The following DNAH6 variants were observed in gnomAD, a reference collection of about 807,000 sequenced individuals.
DNAH6 encodes the protein axonemal beta dynein heavy chain 6.
DNAH6 carries 340 observed loss-of-function variants against 491.4 expected under a neutral mutation model. That is an observed-to-expected ratio of 0.69 (90% confidence interval 0.63 to 0.76). The LOEUF is 0.76. Ranked by LOEUF, DNAH6 falls within the 30% of genes least tolerant of loss-of-function variation. DNAH6 has a pLI of 0.00. For missense variants in DNAH6, 4,443 were observed against 4,972.2 expected (o/e 0.89, Z 3.20); for synonymous variants, 1,603 against 1,686.1 (o/e 0.95, Z 1.21).
At chr2:84,661,228 C>G (rs1323427133) in intron 37 of DNAH6, among the ~76,000 whole-genome samples, 1 of 151,978 alleles carries the variant, frequency 6.6e-6, no homozygotes. Flanking sequence ...AGGTCACAGT[C>G]TATTAACTGG....
intron 30 of DNAH6, among the ~76,000 whole-genome samples, chr2:84,636,071 A>G (rs2104474202): frequency 6.6e-6 from 1 of 152,174 alleles, no homozygotes; most frequent in Non-Finnish European, 1.5e-5. Flanking sequence ...TCTGGCTCTC[A>G]TTATGTCCCT....
intron 41 of DNAH6, 101 bp from the exon 42 acceptor site, chr2:84,681,256 G>T: frequency 3.0e-6 from 3 of 1,016,212 alleles, no homozygotes; most frequent in Non-Finnish European, 4.1e-6. Flanking sequence ...GTTGGAATTT[G>T]GCTTTCTATT....
chr2:84,608,854 G>A (rs940962346), intron 21 of DNAH6, among the ~76,000 whole-genome samples: 1 of 152,156 alleles, frequency 6.6e-6, no homozygotes, highest in Non-Finnish European at 1.5e-5. Flanking sequence ...GTCCTACATG[G>A]CATCTTCTTC....
intron 14 of DNAH6, 81 bp downstream of exon 14, chr2:84,579,760 C>A: frequency 8.1e-7 from 1 of 1,234,522 alleles, no homozygotes; most frequent in Non-Finnish European, 1.1e-6. Flanking sequence ...AAGTGAAGGA[C>A]TAAGGGGCAA....
At chr2:84,777,814 A>G (rs1676294327) in intron 64 of DNAH6, 2 of 1,149,312 alleles carry the variant, frequency 1.7e-6, no homozygotes, top group South Asian at 1.2e-5. Flanking sequence ...TCCAAGCCAC[A>G]TAGGTCAAGA....
intron 61 of DNAH6, among the ~76,000 whole-genome samples, chr2:84,729,240 T>G (rs1436636679): frequency 6.6e-6 from 1 of 152,220 alleles, no homozygotes; most frequent in Non-Finnish European, 1.5e-5. Context: ...TCTTCTTAGG[T>G]AAGTTCCTAA....
At chr2:84,533,990 C>A (rs1277954338) in intron 4 of DNAH6, among the ~76,000 whole-genome samples, 1 of 152,080 alleles carries the variant, frequency 6.6e-6, no homozygotes, top group Non-Finnish European at 1.5e-5. Flanking sequence ...GAACCCTCAT[C>A]TGTGGCTCAC....
chr2:84,653,139 CATG>C (rs760940341), intron 33 of DNAH6, among the ~76,000 whole-genome samples, 177 bp from the exon 34 acceptor site: 4 of 151,922 alleles, frequency 2.6e-5, no homozygotes, highest in Non-Finnish European at 5.9e-5. Flanking sequence ...CAAAATCATA[CATG>C]ATATCAGAGA....
At chr2:84,504,900 A>G in the DNAH6 span, among the ~76,000 whole-genome samples, 7 of 152,220 alleles carry the variant, frequency 4.6e-5, no homozygotes, top group Admixed American at 4.6e-4. Context: ...TATAAAAGAC[A>G]GTTGTAGTTT....
chr2:84,532,697 A>G (rs992123618), intron 4 of DNAH6, among the ~76,000 whole-genome samples: 34 of 152,152 alleles, frequency 2.2e-4, no homozygotes, highest in African/African-American at 8.2e-4. Context: ...AGCAAAATGC[A>G]AAATAATGCT....
chr2:84,517,132 T>C (rs939847681), intron 1 of DNAH6, among the ~76,000 whole-genome samples: 5 of 152,198 alleles, frequency 3.3e-5, no homozygotes, highest in Non-Finnish European at 5.9e-5. Context: ...TCAAGACCTC[T>C]TGTGCTAACC....
chr2:84,675,489 C>T (rs990096011), intron 40 of DNAH6, among the ~76,000 whole-genome samples: 1 of 152,040 alleles, frequency 6.6e-6, no homozygotes, highest in African/African-American at 2.4e-5. Context: ...CTTCCTTCAC[C>T]CCTATGGCCT....
rs575980814 is a variant in DNAH6 at position 84,591,069 on chromosome 2, C to G, written c.2610+2115C>G. Among the ~76,000 whole-genome samples the G allele has an allele frequency of 4.6e-5, 7 of 152,302 alleles. No individual in the cohort carries two copies. In the South Asian group the frequency reaches 1.0e-3, roughly 23 times the overall value. On this transcript the variant is annotated intron_variant, in intron 16 of 76. Transcript: ENST00000389394. ...TCCCAAATCTCAGCTTCTACCTGGA[C>G]AGGGGAAGATTTGAAGTGGCTGTCC...
intron 49 of DNAH6, among the ~76,000 whole-genome samples, chr2:84,702,385 T>C (rs1695996996): frequency 6.6e-6 from 1 of 152,084 alleles, no homozygotes. Flanking sequence ...ATCAGGAAAT[T>C]AACATGACCT....
intron 37 of DNAH6, among the ~76,000 whole-genome samples, chr2:84,667,819 G>A (rs1692305687): frequency 1.3e-5 from 2 of 152,198 alleles, no homozygotes; most frequent in Admixed American, 1.3e-4. Context: ...ATTTACAATA[G>A]CAAAGACTTG....
Position 84,548,348 on chromosome 2 carries a change from A to G in DNAH6, c.1247A>G (p.Tyr416Cys), listed in dbSNP as rs1159187251. Residue 416 changes from tyrosine to cysteine, a missense_variant, in exon 8 of 77, where the codon TAT (tyrosine) becomes TGT (cysteine). By Grantham distance (194) the Tyr-to-Cys change is radical. Transcript: ENST00000389394. Reference protein sequence around the residue: ...FINTPHELPTYGDSEKMTYTE... With the variant: ...FINTPHELPTCGDSEKMTYTE... Reference sequence around the variant, plus strand: ...AATACACCACATGAGTTGCCCACTTATGGAGACTCTGAGAAAATGACATAT... The same window carrying G: ...AATACACCACATGAGTTGCCCACTTGTGGAGACTCTGAGAAAATGACATAT... 2 of 1,613,896 alleles carry G rather than the reference A, an allele frequency of 1.2e-6. No individual in the cohort carries two copies. The highest frequency in any genetic ancestry group is 4.5e-5 in the East Asian group (2 of 44,864).
At chr2:84,523,738 T>G (rs948982541) in intron 2 of DNAH6, among the ~76,000 whole-genome samples, 4 of 152,160 alleles carry the variant, frequency 2.6e-5, no homozygotes, top group African/African-American at 9.7e-5. Context: ...AGCAGGTTGT[T>G]TATTTTCCAT....
Position 84,710,287 on chromosome 2 carries a change from G to A in DNAH6, c.9253G>A (p.Ala3085Thr), listed in dbSNP as rs564455053. 1.5e-5 allele frequency: 23 copies of A among 1,551,388 alleles called. No individual in the cohort carries two copies. In the South Asian group the frequency reaches 2.3e-4, roughly 15 times the overall value. Residue 3085 changes from alanine to threonine, a missense_variant and splice_region_variant, in exon 56 of 77, where the codon GCA becomes ACA. Around this residue, in one of 3 missense-constraint regions of DNAH6, gnomAD observed 1,463 missense variants for 1,656.6 expected, o/e 0.88. Coordinates refer to ENST00000389394, the MANE Select transcript of DNAH6 (RefSeq NM_001370.2). ...WPLMIDPQDQ[A>T]NRWIRNKESK... The stretch of plus-strand genomic sequence containing the variant: ...TTCTGCTCTGTGCTTTTCCAAACAG[G>A]CAAACCGTTGGATAAGGAACAAGGA...
chr2:84,803,017 A>G (rs367717649), intron 70 of DNAH6, among the ~76,000 whole-genome samples: 2 of 152,228 alleles, frequency 1.3e-5, no homozygotes, highest in Non-Finnish European at 1.5e-5. Flanking sequence ...ACAAATGAAC[A>G]TAAGAGACCC....
Sources: gnomAD v4.1 joint callset for allele counts (sites outside exome capture counted in the v4.1 genomes callset) on GRCh38, gnomAD v4.1.1 for gene constraint, gnomAD v4.1.1 regional missense constraint, MANE v1.5 for transcripts, NCBI Gene and HGNC (gene_info 2026-07-23, HGNC 2026-07-21) for gene names.